The following CEMIP variants were observed in gnomAD, a reference collection of about 807,000 sequenced individuals.
CEMIP encodes cell migration inducing hyaluronidase 1, also known as cell migration-inducing and hyaluronan-binding protein.
A neutral mutation model predicts 156.9 loss-of-function variants in CEMIP; 105 were observed. The observed-to-expected ratio is 0.67, with a 90% CI of 0.57 to 0.79. The LOEUF (loss-of-function observed/expected upper bound fraction) is 0.79. Ranked by LOEUF, CEMIP falls within the 30% of genes least tolerant of loss-of-function variation. The pLI, the probability that CEMIP is intolerant of heterozygous loss-of-function variation, is 0.00. For missense variants in CEMIP, 1,457 were observed against 1,769.4 expected (o/e 0.82, Z 3.17); for synonymous variants, 676 against 668.4 (o/e 1.01, Z -0.17).
intron 12 of CEMIP, among the ~76,000 whole-genome samples, chr15:80,904,996 T>C (rs1342388060): frequency 6.6e-6 from 1 of 152,112 alleles, no homozygotes; most frequent in African/African-American, 2.4e-5. Context: ...TCTCACTGAG[T>C]CTGCAGAATC....
In CEMIP at chr15:80,909,235, T is replaced by C. The variant is rs1899944055; in HGVS notation, c.1726T>C (p.Tyr576His). Residue 576 changes from tyrosine (Y) to histidine (H), a missense_variant, in exon 14 of 30, where the codon TAC becomes CAC. By Grantham distance (83) the Tyr-to-His change is moderately conservative. Around this residue, in one of 5 missense-constraint regions of CEMIP, gnomAD observed 53 missense variants for 104.5 expected, o/e 0.51. Coordinates refer to ENST00000394685, the MANE Select transcript of CEMIP (RefSeq NM_001293298.2). ...DERGGYDPPT[Y>H]IRDLSIHHTF... is the part of the protein sequence containing the mutation. ...AAGGGGAGGTTATGACCCACCCACA[T>C]ACATCAGGGACCTCTCCATCCATCA... The C allele has an allele frequency of 6.2e-7, 1 of 1,613,938 alleles. No individual in the cohort carries two copies. The highest frequency in any genetic ancestry group is 8.5e-7 in the Non-Finnish European group (1 of 1,180,018).
chr15:80,928,889 C>T lies in CEMIP; in HGVS notation c.2421-13C>T. On this transcript the variant is annotated splice_polypyrimidine_tract_variant and intron_variant, in intron 19 of 29. Transcript: ENST00000394685. Reference sequence around the variant, plus strand: ...AGGGCATGCTCTGACTATCTATCTGCTCTTGCCCACAGGTTTGCTGACAAT... The same window carrying T: ...AGGGCATGCTCTGACTATCTATCTGTTCTTGCCCACAGGTTTGCTGACAAT... The T allele has an allele frequency of 6.2e-7, 1 of 1,613,660 alleles. No individual in the cohort carries two copies. The highest frequency in any genetic ancestry group is 8.5e-7 in the Non-Finnish European group (1 of 1,180,050).
chr15:80,784,774 C>T (rs894891325), intron 1 of CEMIP, among the ~76,000 whole-genome samples: 2 of 152,174 alleles, frequency 1.3e-5, no homozygotes, highest in African/African-American at 4.8e-5. Flanking sequence ...GAGGTAGGGC[C>T]TGAGAGTCCA....
chr15:80,850,638 T>C (rs958031348), intron 1 of CEMIP, among the ~76,000 whole-genome samples: 1 of 152,122 alleles, frequency 6.6e-6, no homozygotes, highest in African/African-American at 2.4e-5. Flanking sequence ...AGAAGCCATG[T>C]TGTCAGGGAC....
Position 80,878,609 on chromosome 15 carries a change from C to T in CEMIP, c.95-112C>T. 13 of 1,403,612 alleles carry T rather than the reference C, an allele frequency of 9.3e-6. No homozygotes were observed. The South Asian group carries it at 1.4e-4, about 16-fold the overall frequency. 86.9% of individuals were successfully genotyped at this position (1,403,612 alleles called of 1,614,324 possible). On this transcript the variant is annotated intron_variant, in intron 3 of 29. Transcript: ENST00000394685. ...TCTAAGGTCTTGCTTTTAGCTCTAA[C>T]AGAGAGGAGGTAGGGGCCTTAAAGA...
intron 1 of CEMIP, among the ~76,000 whole-genome samples, chr15:80,794,521 A>G (rs1896165754): frequency 6.6e-6 from 1 of 152,244 alleles, no homozygotes; most frequent in African/African-American, 2.4e-5. Context: ...CCACTAAGAC[A>G]AAGTTTAAAA....
At chr15:80,801,724 C>T (rs1390013712) in intron 1 of CEMIP, among the ~76,000 whole-genome samples, 1 of 152,208 alleles carries the variant, frequency 6.6e-6, no homozygotes, top group African/African-American at 2.4e-5. Context: ...GATAGAGGTA[C>T]TTACTCTGTA....
chr15:80,792,580 C>A (rs566299879), intron 1 of CEMIP, among the ~76,000 whole-genome samples: 2 of 152,286 alleles, frequency 1.3e-5, no homozygotes, highest in South Asian at 4.1e-4. Context: ...GAGTTATGAT[C>A]TTGTACATAC....
rs16972508 is a variant in CEMIP at position 80,861,179 on chromosome 15, T to C, written c.-175-12359T>C. 7.8e-3 allele frequency among the ~76,000 whole-genome samples: 1,182 copies of C among 152,132 alleles called. 10 individuals carry two copies. The highest frequency in any genetic ancestry group is 0.022 in the African/African-American group (908 of 41,430). ...CCTAGAACCATCGTGCAGTAGGCAC[T>C]AATAATAAACACGGATTGATTAATT... is the stretch of plus-strand genomic sequence containing the variant. On this transcript the variant is annotated intron_variant, in intron 1 of 29. Coordinates refer to ENST00000394685, the MANE Select transcript of CEMIP (RefSeq NM_001293298.2).
Position 80,875,836 on chromosome 15 carries a change from C to T in CEMIP, c.94+1863C>T, listed in dbSNP as rs59864086. ...AAAAGCCACTGACACTGGCCTTCAC[C>T]GAGAGGAAAATGTCCAGCTCCAAAA... is the stretch of plus-strand genomic sequence containing the variant. On this transcript the variant is annotated intron_variant, in intron 3 of 29. Coordinates refer to ENST00000394685, the MANE Select transcript of CEMIP (RefSeq NM_001293298.2). Among the ~76,000 whole-genome samples the T allele has an allele frequency of 2.2e-3, 340 of 152,258 alleles. 2 individuals are homozygous for T. Among genetic ancestry groups the T allele is most frequent in the African/African-American group, 7.8e-3 (325 of 41,528 alleles).
intron 1 of CEMIP, among the ~76,000 whole-genome samples, chr15:80,792,541 T>C (rs1006764342): frequency 8.5e-5 from 13 of 152,206 alleles, no homozygotes; most frequent in African/African-American, 3.1e-4. Context: ...TTCTGTGTAC[T>C]ATGTGAACTA....
chr15:80,837,240 G>C (rs939223780), intron 1 of CEMIP, among the ~76,000 whole-genome samples: 1 of 152,188 alleles, frequency 6.6e-6, no homozygotes, highest in Non-Finnish European at 1.5e-5. Context: ...CACAGATGGG[G>C]GAGAGTGATG....
chr15:80,871,065 C>G (rs947776378), intron 1 of CEMIP, among the ~76,000 whole-genome samples: 1 of 152,186 alleles, frequency 6.6e-6, no homozygotes, highest in African/African-American at 2.4e-5. Context: ...AGCTAAGAAG[C>G]GGAATCCCAG....
At chr15:80,871,852 A>G (rs1015999338) in intron 1 of CEMIP, among the ~76,000 whole-genome samples, 2 of 152,138 alleles carry the variant, frequency 1.3e-5, no homozygotes, top group Non-Finnish European at 2.9e-5. Context: ...TCTGGGGGCC[A>G]TGGGAAAGGA....
intron 1 of CEMIP, among the ~76,000 whole-genome samples, chr15:80,833,282 C>A (rs1288496067): frequency 6.6e-6 from 1 of 152,078 alleles, no homozygotes; most frequent in East Asian, 1.9e-4. Context: ...AGGGCATGGG[C>A]CCTCCAGTTT....
At chr15:80,883,946 C>T (rs919198515) in intron 6 of CEMIP, among the ~76,000 whole-genome samples, 7 of 152,186 alleles carry the variant, frequency 4.6e-5, no homozygotes, top group East Asian at 1.9e-4. Context: ...TTTTACTCAG[C>T]GAATGAACAT....
intron 1 of CEMIP, among the ~76,000 whole-genome samples, chr15:80,857,823 T>C (rs1897889933): frequency 6.6e-6 from 1 of 152,160 alleles, no homozygotes; most frequent in Non-Finnish European, 1.5e-5. Context: ...ACCAGGATGC[T>C]ACAAAGGGTA....
chr15:80,891,656 G>A (rs1463571688), intron 10 of CEMIP, among the ~76,000 whole-genome samples: 2 of 152,178 alleles, frequency 1.3e-5, no homozygotes, highest in Non-Finnish European at 2.9e-5. Context: ...GGTCTATTGA[G>A]ATGGTCATCT....
At position 80,925,669 on chromosome 15, in the gene CEMIP, G is replaced by A. The variant is rs150901876; in HGVS notation, c.2334G>A (p.Pro778=). The A allele has an allele frequency of 6.7e-5, 108 of 1,613,730 alleles. No individual in the cohort carries two copies. The African/African-American group carries it at 1.3e-3, about 20-fold the overall frequency. Residue 778 remains proline, a synonymous_variant, in exon 19 of 30, where the codon CCG becomes CCA. Transcript: ENST00000394685. ...CCGACCCGCTGAAGCCCCGGGAGCC[G>A]GCCATCATCAGACACTTCATTGCCT... ...QDADPLKPRE[P]AIIRHFIAYK...
Sources: gnomAD v4.1 joint callset for allele counts (sites outside exome capture counted in the v4.1 genomes callset) on GRCh38, gnomAD v4.1.1 for gene constraint, gnomAD v4.1.1 regional missense constraint, MANE v1.5 for transcripts, NCBI Gene and HGNC (gene_info 2026-07-23, HGNC 2026-07-21) for gene names.